Variants in RBFOX1 observed in about 807,000 individuals in gnomAD.
RBFOX1 encodes RNA binding protein fox-1 homolog 1.
RBFOX1 carries 8 observed loss-of-function variants against 57.7 expected under a neutral mutation model. The ratio of observed to expected loss-of-function variants is 0.14; its 90% confidence interval spans 0.08 to 0.25. RBFOX1 has a LOEUF of 0.25. Among genes scored for constraint, RBFOX1 ranks in the 10% least tolerant of loss-of-function variants. The pLI is 1.00. For synonymous variants in RBFOX1, 326 were observed against 222.4 expected, an observed-to-expected ratio of 1.47 and a Z score of -4.15; for missense variants, 611 against 548.5, an observed-to-expected ratio of 1.11 and a Z score of -1.14.
chr16:6,287,750 T>A (rs1411904410), intron 1 of RBFOX1, among the ~76,000 whole-genome samples: 1 of 152,176 alleles, frequency 6.6e-6, no homozygotes, highest in Non-Finnish European at 1.5e-5. Flanking sequence ...AAGACCATTC[T>A]CCATTTATCG....
chr16:6,910,950 C>T (rs2071415001), intron 3 of RBFOX1, among the ~76,000 whole-genome samples: 1 of 152,094 alleles, frequency 6.6e-6, no homozygotes, highest in Admixed American at 6.6e-5. Flanking sequence ...CCTGTAATCC[C>T]AGCACTTTGG....
At chr16:6,929,570 CT>C (rs1199364519) in intron 3 of RBFOX1, among the ~76,000 whole-genome samples, 1 of 152,080 alleles carries the variant, frequency 6.6e-6, no homozygotes, top group Non-Finnish European at 1.5e-5. Flanking sequence ...GGGAAGAGGT[CT>C]GCATGGGGCC....
intron 2 of RBFOX1, among the ~76,000 whole-genome samples, chr16:6,495,363 C>T (rs933295232): frequency 6.6e-6 from 1 of 151,834 alleles, no homozygotes; most frequent in African/African-American, 2.4e-5. Context: ...AGGTGATCCA[C>T]CGCCCCCCGC....
chr16:6,761,336 A>G (rs2076567515), intron 3 of RBFOX1, among the ~76,000 whole-genome samples: 1 of 152,094 alleles, frequency 6.6e-6, no homozygotes, highest in Admixed American at 6.5e-5. Flanking sequence ...TGTCACTTGT[A>G]TATGTTTAAG....
intron 3 of RBFOX1, among the ~76,000 whole-genome samples, chr16:6,870,395 A>G (rs1002811764): frequency 6.6e-6 from 1 of 152,156 alleles, no homozygotes; most frequent in African/African-American, 2.4e-5. Flanking sequence ...TTGCATTTGG[A>G]TTGTTTCAGC....
chr16:6,916,563 C>A (rs1026680792), intron 3 of RBFOX1, among the ~76,000 whole-genome samples: 6 of 151,412 alleles, frequency 4.0e-5, no homozygotes, highest in Non-Finnish European at 8.8e-5. Context: ...TTTAAGAAAT[C>A]CCATAAATCA....
intron 1 of RBFOX1, among the ~76,000 whole-genome samples, chr16:6,103,552 A>G (rs1353546672): frequency 6.6e-6 from 1 of 152,148 alleles, no homozygotes; most frequent in African/African-American, 2.4e-5. Context: ...AGCCATGAAC[A>G]AGTTTTCTAG....
At chr16:7,174,423 CT>C (rs767279210) in intron 4 of RBFOX1, among the ~76,000 whole-genome samples, 6 of 152,066 alleles carry the variant, frequency 3.9e-5, no homozygotes, top group Non-Finnish European at 7.3e-5. Context: ...TTTCACCTTT[CT>C]TGGGTAGATA....
At chr16:6,621,234 G>A (rs748757019) in intron 2 of RBFOX1, among the ~76,000 whole-genome samples, 2 of 152,184 alleles carry the variant, frequency 1.3e-5, no homozygotes, top group Non-Finnish European at 2.9e-5. Flanking sequence ...GGCCTAGGCC[G>A]GCGGATCACA....
At chr16:6,843,470 C>T (rs1257810503) in intron 3 of RBFOX1, among the ~76,000 whole-genome samples, 2 of 152,022 alleles carry the variant, frequency 1.3e-5, no homozygotes, top group African/African-American at 2.4e-5. Flanking sequence ...GGGCAGATCA[C>T]GAGGTCAGGA....
At chr16:7,325,414 C>G (rs1412714087) in intron 4 of RBFOX1, among the ~76,000 whole-genome samples, 3 of 152,164 alleles carry the variant, frequency 2.0e-5, no homozygotes, top group African/African-American at 7.2e-5. Flanking sequence ...TACTATGGTG[C>G]TTGCAACAAG....
intron 5 of RBFOX1, among the ~76,000 whole-genome samples, chr16:7,536,253 C>A (rs1398208783): frequency 1.3e-5 from 2 of 152,204 alleles, no homozygotes; most frequent in African/African-American, 4.8e-5. Flanking sequence ...AGACATAAAT[C>A]AAAGCGGAGA....
chr16:7,559,564 G>A lies in RBFOX1; in HGVS notation c.271-20213G>A, dbSNP rs1876342. ...GCAAATTAAGAGCAGCCCAAGAATT[G>A]TGTGCAAACCCTGATACACGAGACA... On this transcript the variant is annotated intron_variant, in intron 5 of 15. Transcript: ENST00000550418. Among the ~76,000 whole-genome samples, 727 of 152,274 alleles carry A rather than the reference G, an allele frequency of 4.8e-3. 8 individuals carry two copies. Among genetic ancestry groups the A allele is most frequent in the African/African-American group, 0.017 (691 of 41,554 alleles).
At chr16:7,516,183 T>G (rs1333733085) in intron 4 of RBFOX1, among the ~76,000 whole-genome samples, 1 of 152,116 alleles carries the variant, frequency 6.6e-6, no homozygotes, top group African/African-American at 2.4e-5. Context: ...TTATGATGTT[T>G]TTACAGCTGC....
chr16:7,603,015 T>C (rs549944481), intron 9 of RBFOX1, among the ~76,000 whole-genome samples: 1 of 152,200 alleles, frequency 6.6e-6, no homozygotes, highest in Non-Finnish European at 1.5e-5. Flanking sequence ...ATTTTAAAAA[T>C]TCTTGACATA....
rs138581594 is a variant in RBFOX1, at chr16:6,010,048, G to A, written c.351+142713G>A. Among the ~76,000 whole-genome samples the A allele has an allele frequency of 5.2e-3, 792 of 152,212 alleles. 22 individuals are homozygous for A. Among genetic ancestry groups the A allele is most frequent in the Admixed American group, 0.047 (718 of 15,280 alleles). On this transcript the variant is annotated intron_variant, in intron 4 of 19. Coordinates refer to the RBFOX1 transcript ENST00000641259. ...GGGGTTTTTCTTTCTTATCAGGCAC[G>A]TGGCTGCTGCAGGAAAGCTAACAGT...
intron 4 of RBFOX1, among the ~76,000 whole-genome samples, chr16:7,274,711 G>C (rs117241100): frequency 1.6e-4 from 24 of 151,854 alleles, no homozygotes; most frequent in African/African-American, 5.8e-4. Context: ...TTGAGGCAAG[G>C]TCTCATCCTG....
intron 4 of RBFOX1, among the ~76,000 whole-genome samples, chr16:7,139,994 A>G (rs1036022964): frequency 6.6e-5 from 10 of 152,122 alleles, no homozygotes; most frequent in African/African-American, 2.4e-4. Context: ...TCAAGACTGC[A>G]GTGGATCCCA....
At chr16:7,709,502 T>G in intron 15 of RBFOX1, 1 of 1,515,958 alleles carries the variant, frequency 6.6e-7, no homozygotes, top group Non-Finnish European at 8.8e-7. Context: ...AGCCCCAAGG[T>G]TCCAGCCCCA....
Sources: gnomAD v4.1 joint callset for allele counts (sites outside exome capture counted in the v4.1 genomes callset) on GRCh38, gnomAD v4.1.1 for gene constraint, MANE v1.5 for transcripts, NCBI Gene and HGNC (gene_info 2026-07-23, HGNC 2026-07-21) for gene names.